Variants in VPS13B observed in about 807,000 individuals in gnomAD.
VPS13B encodes the protein vacuolar protein sorting 13 homolog B, also known as intermembrane lipid transfer protein VPS13B.
Under a neutral mutation model 426.4 loss-of-function variants are expected in VPS13B, and 285 were observed. The ratio of observed to expected loss-of-function variants is 0.67; its 90% confidence interval spans 0.61 to 0.74. VPS13B has a LOEUF of 0.74. Among genes scored for constraint, VPS13B ranks in the 30% least tolerant of loss-of-function variants. The probability of loss-of-function intolerance (pLI) is 0.00; values close to 1 mark genes in which losing one functional copy is unlikely to be tolerated. For missense variants in VPS13B, 4,537 were observed against 4,782.6 expected (o/e 0.95, Z 1.51); for synonymous variants, 1,676 against 1,676.4 (o/e 1.00, Z 0.01).
chr8:99,028,344 G>T (rs1196904169), intron 2 of VPS13B, among the ~76,000 whole-genome samples: 1 of 149,964 alleles, frequency 6.7e-6, no homozygotes, highest in Non-Finnish European at 1.5e-5. Flanking sequence ...GCAGGGGGCT[G>T]ACCCCCCCAC....
At chr8:99,483,099 A>G (rs1820129792) in intron 25 of VPS13B, among the ~76,000 whole-genome samples, 1 of 152,306 alleles carries the variant, frequency 6.6e-6, no homozygotes, top group South Asian at 2.1e-4. Flanking sequence ...AATGTCTTTC[A>G]TCTTACAAAT....
chr8:99,438,467 G>T (rs1422093646), intron 22 of VPS13B, among the ~76,000 whole-genome samples: 1 of 152,006 alleles, frequency 6.6e-6, no homozygotes, highest in Non-Finnish European at 1.5e-5. Flanking sequence ...TTGCACACAG[G>T]CCCACATTCT....
chr8:99,147,516 G>C (rs4735600), intron 13 of VPS13B, among the ~76,000 whole-genome samples: 40,249 of 151,966 alleles, frequency 0.26, 6,067 homozygotes, highest in East Asian at 0.43. Flanking sequence ...AATATTTTCT[G>C]TCAGTCTGTG....
intron 42 of VPS13B, among the ~76,000 whole-genome samples, chr8:99,782,225 T>C (rs573699578): frequency 6.6e-6 from 1 of 152,190 alleles, no homozygotes; most frequent in Non-Finnish European, 1.5e-5. Context: ...AGTGAATATA[T>C]AATTATAATT....
chr8:99,256,737 T>C (rs1213959205), intron 17 of VPS13B, among the ~76,000 whole-genome samples: 2 of 152,084 alleles, frequency 1.3e-5, no homozygotes, highest in Non-Finnish European at 2.9e-5. Flanking sequence ...TTGAAGTGGG[T>C]TTTTTTGTTG....
intron 39 of VPS13B, among the ~76,000 whole-genome samples, chr8:99,741,298 A>G (rs1475004191): frequency 1.3e-5 from 2 of 152,218 alleles, no homozygotes; most frequent in African/African-American, 4.8e-5. Context: ...TATGCACCCA[A>G]TACAGGAGCA....
intron 30 of VPS13B, among the ~76,000 whole-genome samples, chr8:99,532,761 AT>A (rs11353907): frequency 1 from 149,794 of 149,802 alleles, 74,893 homozygotes; most frequent in Middle Eastern, 1. Context: ...ATTTTATTGT[AT>A]TTTTTGTGTT....
intron 39 of VPS13B, among the ~76,000 whole-genome samples, chr8:99,750,943 A>G (rs111837397): frequency 6.6e-6 from 1 of 152,094 alleles, no homozygotes; most frequent in Non-Finnish European, 1.5e-5. Context: ...CTAAAGGTCT[A>G]TGTAGTGTGA....
At chr8:99,124,860 C>A (rs916614383) in intron 8 of VPS13B, among the ~76,000 whole-genome samples, 59 of 94,648 alleles carry the variant, frequency 6.2e-4, no homozygotes, top group African/African-American at 2.1e-3. Context: ...CCAGCCTGGG[C>A]AACAAGAGCA....
intron 21 of VPS13B, among the ~76,000 whole-genome samples, chr8:99,399,975 G>T (rs1052362262): frequency 1.3e-5 from 2 of 151,784 alleles, no homozygotes; most frequent in African/African-American, 4.8e-5. Context: ...AAAAATTCTT[G>T]GTCCTTACAT....
At chr8:99,245,610 G>C (rs1188520642) in intron 17 of VPS13B, among the ~76,000 whole-genome samples, 1 of 152,166 alleles carries the variant, frequency 6.6e-6, no homozygotes, top group African/African-American at 2.4e-5. Flanking sequence ...GCCCAGGCTG[G>C]AGTACAGTGG....
intron 43 of VPS13B, among the ~76,000 whole-genome samples, chr8:99,798,194 T>A (rs1812950340): frequency 6.6e-6 from 1 of 151,708 alleles, no homozygotes; most frequent in Non-Finnish European, 1.5e-5. Flanking sequence ...AACTGCATTT[T>A]TATTTCAGTT....
At chr8:99,588,795 T>C (rs1826442356) in intron 33 of VPS13B, among the ~76,000 whole-genome samples, 2 of 151,792 alleles carry the variant, frequency 1.3e-5, no homozygotes, top group Non-Finnish European at 2.9e-5. Context: ...CCTGATTGAA[T>C]GCCCTTTATT....
intron 41 of VPS13B, among the ~76,000 whole-genome samples, chr8:99,778,003 G>A (rs1405987830): frequency 2.0e-5 from 3 of 151,990 alleles, no homozygotes; most frequent in African/African-American, 4.8e-5. Flanking sequence ...AGGCCGAGGC[G>A]GGTGGATCAC....
At chr8:99,562,751 A>T (rs1466832814) in intron 31 of VPS13B, among the ~76,000 whole-genome samples, 1 of 152,056 alleles carries the variant, frequency 6.6e-6, no homozygotes, top group Non-Finnish European at 1.5e-5. Context: ...TTTTTAACAT[A>T]TGGGTTTCCG....
intron 39 of VPS13B, among the ~76,000 whole-genome samples, chr8:99,765,713 A>G (rs1429530150): frequency 6.6e-6 from 1 of 152,176 alleles, no homozygotes; most frequent in East Asian, 1.9e-4. Flanking sequence ...CTCTGTGATT[A>G]TGTATCATTT....
At chr8:99,291,013 T>G (rs545226210) in intron 19 of VPS13B, among the ~76,000 whole-genome samples, 1 of 152,238 alleles carries the variant, frequency 6.6e-6, no homozygotes, top group South Asian at 2.1e-4. Context: ...TTTTTATATT[T>G]ATGCTTTAGA....
intron 21 of VPS13B, among the ~76,000 whole-genome samples, chr8:99,428,480 A>G (rs551538938): frequency 6.6e-6 from 1 of 152,252 alleles, no homozygotes; most frequent in Non-Finnish European, 1.5e-5. Flanking sequence ...GAAGGATATG[A>G]GCAGACACTT....
intron 25 of VPS13B, among the ~76,000 whole-genome samples, chr8:99,498,814 T>TC (rs1821071509): frequency 1.3e-5 from 2 of 152,128 alleles, no homozygotes; most frequent in African/African-American, 2.4e-5. Context: ...AATCATTTTT[T>TC]CCCACTCTTG....
Sources: gnomAD v4.1 joint callset for allele counts (sites outside exome capture counted in the v4.1 genomes callset) on GRCh38, gnomAD v4.1.1 for gene constraint, MANE v1.5 for transcripts, NCBI Gene and HGNC (gene_info 2026-07-23, HGNC 2026-07-21) for gene names.